PAPPA2: variants seen among roughly 807,000 people sequenced by gnomAD.
The protein encoded by PAPPA2 is pappalysin-2.
PAPPA2 carries 86 observed loss-of-function variants against 176.4 expected under a neutral mutation model. The ratio of observed to expected loss-of-function variants is 0.49; its 90% CI spans 0.41 to 0.58. The LOEUF (loss-of-function observed/expected upper bound fraction) is 0.58, where lower values mean the gene tolerates loss of function less well. Ranked by LOEUF, PAPPA2 falls within the 20% of genes least tolerant of loss-of-function variation. PAPPA2 has a pLI of 0.00. For missense variants in PAPPA2, 2,073 were observed against 2,256.9 expected (o/e 0.92, Z 1.65); for synonymous variants, 809 against 852.2 (o/e 0.95, Z 0.88).
chr1:176,521,664 C>T (rs1649223108), intron 1 of PAPPA2, among the ~76,000 whole-genome samples: 1 of 152,146 alleles, frequency 6.6e-6, no homozygotes, highest in Non-Finnish European at 1.5e-5. Context: ...GCAGCTTTGG[C>T]AAGGGAATGG....
At chr1:176,587,169 C>T (rs1305897070) in intron 2 of PAPPA2, among the ~76,000 whole-genome samples, 10 of 151,806 alleles carry the variant, frequency 6.6e-5, no homozygotes, top group Admixed American at 6.6e-4. Context: ...GCTTAAGCTC[C>T]TCATAAATTC....
intron 1 of PAPPA2, among the ~76,000 whole-genome samples, chr1:176,478,248 C>A (rs1652230574): frequency 6.6e-6 from 1 of 152,190 alleles, no homozygotes; most frequent in East Asian, 1.9e-4. Flanking sequence ...CAAAACCATT[C>A]CAATGGAATA....
At chr1:176,656,432 A>G (rs1658035530) in intron 3 of PAPPA2, among the ~76,000 whole-genome samples, 1 of 151,862 alleles carries the variant, frequency 6.6e-6, no homozygotes, top group Non-Finnish European at 1.5e-5. Context: ...AACTCTTTGT[A>G]TGGTGACTAA....
intron 3 of PAPPA2, among the ~76,000 whole-genome samples, chr1:176,599,295 G>A (rs61821148): frequency 0.14 from 20,740 of 151,768 alleles, 1,546 homozygotes; most frequent in South Asian, 0.23. Context: ...TTATTTTTTA[G>A]GGATTGCCTT....
At chr1:176,550,665 A>G (rs75763553) in intron 1 of PAPPA2, among the ~76,000 whole-genome samples, 212 of 152,336 alleles carry the variant, frequency 1.4e-3, no homozygotes, top group African/African-American at 4.9e-3. Flanking sequence ...AGCTTTTAAA[A>G]CATGACCATT....
chr1:176,583,071 C>T (rs1434586159), intron 2 of PAPPA2, among the ~76,000 whole-genome samples: 1 of 152,010 alleles, frequency 6.6e-6, no homozygotes, highest in Non-Finnish European at 1.5e-5. Flanking sequence ...TTTTGTATTT[C>T]TGTGGCATGA....
chr1:176,634,849 CATAGATACATAGATACATAG>C (rs1558486763), intron 3 of PAPPA2, among the ~76,000 whole-genome samples: 5 of 124,988 alleles, frequency 4.0e-5, no homozygotes, highest in Admixed American at 1.6e-4. Flanking sequence ...TAGATAGATA[CATAGATACATAGATACATAG>C]ATAGATACAT....
intron 1 of PAPPA2, among the ~76,000 whole-genome samples, chr1:176,492,359 A>G (rs1647337218): frequency 6.6e-6 from 1 of 152,200 alleles, no homozygotes. Flanking sequence ...TTTTCAGAAT[A>G]TATAACAATA....
intron 2 of PAPPA2, among the ~76,000 whole-genome samples, chr1:176,560,177 G>A (rs1651578962): frequency 6.6e-6 from 1 of 152,140 alleles, no homozygotes; most frequent in South Asian, 2.1e-4. Context: ...GTTTTTTGCG[G>A]GGCTTATGTG....
chr1:176,731,659 G>A (rs1662148959), intron 12 of PAPPA2, among the ~76,000 whole-genome samples: 1 of 149,430 alleles, frequency 6.7e-6, no homozygotes, highest in South Asian at 2.1e-4. Flanking sequence ...ATACATATGT[G>A]TGTGTGTACA....
intron 21 of PAPPA2, among the ~76,000 whole-genome samples, chr1:176,820,797 G>A (rs1326432923): frequency 1.4e-5 from 2 of 146,762 alleles, no homozygotes; most frequent in Admixed American, 6.8e-5. Flanking sequence ...TCCAAAGCTG[G>A]GGAAAAAAAA....
chr1:176,591,949 T>C lies in PAPPA2; in HGVS notation c.920-2575T>C, dbSNP rs148977553. ...GAAAAATGCTAAGGCTCTCAACTTC[T>C]GTCTTCTGCATTTCGTTCTACTAAG... On this transcript the variant is annotated intron_variant, in intron 2 of 22. Coordinates refer to ENST00000367662, the MANE Select transcript of PAPPA2 (RefSeq NM_020318.3). Among the ~76,000 whole-genome samples, 33 of 152,368 alleles carry C rather than the reference T, an allele frequency of 2.2e-4. No individual in the cohort carries two copies. The Middle Eastern group carries it at 0.01, about 47-fold the overall frequency.
At chr1:176,482,941 G>A (rs776824441) in intron 1 of PAPPA2, among the ~76,000 whole-genome samples, 9 of 152,118 alleles carry the variant, frequency 5.9e-5, no homozygotes, top group Non-Finnish European at 1.3e-4. Context: ...GAGGATGGGG[G>A]CATCCTAAGG....
intron 1 of PAPPA2, among the ~76,000 whole-genome samples, chr1:176,506,367 G>A (rs1648266469): frequency 6.6e-6 from 1 of 151,328 alleles, no homozygotes; most frequent in South Asian, 2.1e-4. Flanking sequence ...TTTTAGAATA[G>A]TTTTTTTCTA....
chr1:176,527,009 G>T (rs1330527110), intron 1 of PAPPA2, among the ~76,000 whole-genome samples: 1 of 152,066 alleles, frequency 6.6e-6, no homozygotes, highest in Non-Finnish European at 1.5e-5. Context: ...GTCTCATTAT[G>T]TTGCCCAGGC....
intron 1 of PAPPA2, among the ~76,000 whole-genome samples, chr1:176,493,801 CATCT>C (rs1238776206): frequency 2.6e-5 from 4 of 152,162 alleles, no homozygotes; most frequent in African/African-American, 9.7e-5. Context: ...GGCATGCATC[CATCT>C]AAGTTCTAAA....
At chr1:176,635,631 T>C (rs1318649473) in intron 3 of PAPPA2, among the ~76,000 whole-genome samples, 1 of 152,194 alleles carries the variant, frequency 6.6e-6, no homozygotes, top group East Asian at 1.9e-4. Context: ...TAATTTCTTG[T>C]TTTCCACTCA....
chr1:176,733,617 C>T (rs1353518353), intron 12 of PAPPA2, among the ~76,000 whole-genome samples: 2 of 152,146 alleles, frequency 1.3e-5, no homozygotes, highest in African/African-American at 4.8e-5. Context: ...CGATAGAATC[C>T]TACCCAGCCG....
intron 17 of PAPPA2, among the ~76,000 whole-genome samples, chr1:176,775,103 C>G (rs1664399575): frequency 6.6e-6 from 1 of 152,134 alleles, no homozygotes; most frequent in South Asian, 2.1e-4. Context: ...CTCTCATAGG[C>G]TGCCATTGTA....
Sources: allele counts gnomAD v4.1 joint callset (sites outside exome capture counted in the v4.1 genomes callset), GRCh38; gene constraint gnomAD v4.1.1; transcripts MANE v1.5; gene names NCBI Gene and HGNC (gene_info 2026-07-23, HGNC 2026-07-21).